The following KCNG3 variants were observed in gnomAD, a reference collection of about 807,000 sequenced individuals.
The protein encoded by KCNG3 is voltage-gated potassium channel regulatory subunit KCNG3.
KCNG3 carries 15 observed loss-of-function variants against 29.0 expected under a neutral mutation model. That is an observed-to-expected ratio of 0.52 (90% CI 0.35 to 0.80). The LOEUF is 0.80. Among genes scored for constraint, KCNG3 ranks in the 30% least tolerant of loss-of-function variants. The pLI is 0.01. For synonymous variants in KCNG3, 322 were observed against 248.9 expected (o/e 1.29, Z -2.76); for missense variants, 512 against 605.7 (o/e 0.85, Z 1.62).
chr2:42,460,173 G>A (rs1432842049), intron 1 of KCNG3, among the ~76,000 whole-genome samples: 1 of 151,826 alleles, frequency 6.6e-6, no homozygotes, highest in Admixed American at 6.6e-5. Flanking sequence ...AGACCAGCAT[G>A]GACAACATAG....
Position 42,443,926 on chromosome 2 carries a change from G to T in KCNG3, c.*8C>A, listed in dbSNP as rs1354081659. The T allele has an allele frequency of 6.3e-7, 1 of 1,593,442 alleles. No individual in the cohort carries two copies. Among genetic ancestry groups the T allele is most frequent in the South Asian group, 1.1e-5 (1 of 87,542 alleles). On this transcript the variant is annotated 3_prime_UTR_variant, in exon 2 of 2. Transcript: ENST00000306078. ...ATGAAGTGTATGCAAGAATTGATTT[G>T]CAATGCATTAATTCAGGAATTCAGT...
chr2:42,399,963 T>C, the KCNG3 span, among the ~76,000 whole-genome samples: 2 of 152,110 alleles, frequency 1.3e-5, no homozygotes, highest in African/African-American at 4.8e-5. Flanking sequence ...GGACAACATG[T>C]GAGCAGGCTG....
At chr2:42,419,219 C>CTCTTT in the KCNG3 span, among the ~76,000 whole-genome samples, 3 of 27,740 alleles carry the variant, frequency 1.1e-4, no homozygotes, top group Non-Finnish European at 1.3e-4. Context: ...GATGGTATCT[C>CTCTTT]TTTTTTTTTT....
downstream of KCNG3, among the ~76,000 whole-genome samples, chr2:42,437,985 T>C (rs916235527): frequency 6.8e-6 from 1 of 146,736 alleles, no homozygotes; most frequent in Non-Finnish European, 1.5e-5. Flanking sequence ...TACAATCACA[T>C]AATAAACGTT....
the KCNG3 span, among the ~76,000 whole-genome samples, chr2:42,428,471 A>AT: frequency 6.7e-6 from 1 of 148,700 alleles, no homozygotes; most frequent in Admixed American, 6.7e-5. Context: ...AAAAAAAAAA[A>AT]AAAAAAAGAA....
intron 1 of KCNG3, among the ~76,000 whole-genome samples, chr2:42,474,181 C>T (rs980750022): frequency 1.3e-5 from 2 of 151,498 alleles, no homozygotes; most frequent in African/African-American, 4.8e-5. Flanking sequence ...GCAGTGGGAT[C>T]CCACAACCCT....
intron 1 of KCNG3, among the ~76,000 whole-genome samples, chr2:42,473,683 A>G (rs1673348798): frequency 6.6e-6 from 1 of 151,980 alleles, no homozygotes; most frequent in Non-Finnish European, 1.5e-5. Context: ...TCACAGATTG[A>G]TTTGTTCTGC....
the KCNG3 span, among the ~76,000 whole-genome samples, chr2:42,406,148 A>G: frequency 2.6e-5 from 4 of 152,158 alleles, no homozygotes; most frequent in African/African-American, 7.2e-5. Context: ...ATACTTCGCT[A>G]GTGTATTTTA....
At chr2:42,464,911 A>C (rs1361101226) in intron 1 of KCNG3, among the ~76,000 whole-genome samples, 1 of 152,216 alleles carries the variant, frequency 6.6e-6, no homozygotes, top group African/African-American at 2.4e-5. Flanking sequence ...GTCTTTAAAA[A>C]AAACAAACAA....
chr2:42,456,628 A>G (rs1395107020), intron 1 of KCNG3, among the ~76,000 whole-genome samples: 1 of 152,216 alleles, frequency 6.6e-6, no homozygotes, highest in Non-Finnish European at 1.5e-5. Context: ...AAACATTTTA[A>G]AAGAAAGTAA....
At chr2:42,487,347 CTTTTTTTTTTTT>C (rs60025476) in intron 1 of KCNG3, among the ~76,000 whole-genome samples, 1 of 116,972 alleles carries the variant, frequency 8.5e-6, no homozygotes, top group African/African-American at 3.3e-5. Context: ...TTTTTTCTTT[CTTTTTTTTTTTT>C]TTTGAGATGG....
intron 1 of KCNG3, among the ~76,000 whole-genome samples, chr2:42,458,312 C>T (rs915947390): frequency 3.3e-5 from 5 of 152,168 alleles, no homozygotes; most frequent in African/African-American, 1.2e-4. Flanking sequence ...TTCTCACTTT[C>T]CCTTAGCAGA....
At chr2:42,467,028 T>C (rs887097607) in intron 1 of KCNG3, among the ~76,000 whole-genome samples, 7 of 152,118 alleles carry the variant, frequency 4.6e-5, no homozygotes, top group Non-Finnish European at 1.0e-4. Context: ...GCTGGGATTA[T>C]AGGCAGGAGC....
intron 1 of KCNG3, among the ~76,000 whole-genome samples, chr2:42,459,114 T>G (rs1292282805): frequency 6.6e-6 from 1 of 151,112 alleles, no homozygotes; most frequent in East Asian, 1.9e-4. Flanking sequence ...GAGAATCGCT[T>G]GAACCCGGGA....
chr2:42,443,932 C>T lies in KCNG3; in HGVS notation c.*2G>A, dbSNP rs148930909. The stretch of plus-strand genomic sequence containing the variant: ...TGTATGCAAGAATTGATTTGCAATG[C>T]ATTAATTCAGGAATTCAGTGGAGAG... On this transcript the variant is annotated 3_prime_UTR_variant, in exon 2 of 2. Transcript: ENST00000306078. The T allele has an allele frequency of 1.4e-4, 223 of 1,599,410 alleles. 1 individual carries two copies. In the African/African-American group the frequency reaches 2.7e-3, roughly 20 times the overall value.
chr2:42,458,409 G>A (rs1242894940), intron 1 of KCNG3, among the ~76,000 whole-genome samples: 1 of 152,114 alleles, frequency 6.6e-6, no homozygotes, highest in Non-Finnish European at 1.5e-5. Context: ...CTCTGTTTTG[G>A]CAACAGAGGT....
At chr2:42,404,455 C>T in the KCNG3 span, among the ~76,000 whole-genome samples, 104 of 152,224 alleles carry the variant, frequency 6.8e-4, no homozygotes, top group African/African-American at 2.5e-3. Context: ...GAGCCAGGCG[C>T]GATGGCTCAC....
chr2:42,470,284 C>G (rs562983708), intron 1 of KCNG3: 1 of 351,998 alleles, frequency 2.8e-6, no homozygotes. Flanking sequence ...TATGTACTCA[C>G]GCAATAAAAT....
chr2:42,466,420 A>G (rs1324203666), intron 1 of KCNG3, among the ~76,000 whole-genome samples: 1 of 152,150 alleles, frequency 6.6e-6, no homozygotes, highest in Non-Finnish European at 1.5e-5. Flanking sequence ...ACAAACAAAA[A>G]CAAAAACAAA....
Sources: allele counts gnomAD v4.1 joint callset (sites outside exome capture counted in the v4.1 genomes callset), GRCh38; gene constraint gnomAD v4.1.1; transcripts MANE v1.5; gene names NCBI Gene and HGNC (gene_info 2026-07-23, HGNC 2026-07-21).